Variants in STARD8 observed in about 807,000 individuals in gnomAD.
The protein encoded by STARD8 is stAR-related lipid transfer protein 8.
In STARD8, 25 loss-of-function variants were observed where a neutral mutation model predicts 69.4. That is an observed-to-expected ratio of 0.36 (90% confidence interval 0.26 to 0.50). The LOEUF (loss-of-function observed/expected upper bound fraction) is 0.50. Ranked by LOEUF, STARD8 falls within the 20% of genes least tolerant of loss-of-function variation. STARD8 has a pLI of 0.96. For synonymous variants in STARD8, 389 were observed against 374.6 expected, an observed-to-expected ratio of 1.04 and a Z score of -0.45; for missense variants, 921 against 932.5, an observed-to-expected ratio of 0.99 and a Z score of 0.16.
At chrX:68,688,958 A>C (rs2147899562) in intron 2 of STARD8, among the ~76,000 whole-genome samples, 1 of 106,026 alleles carries the variant, frequency 9.4e-6, no homozygotes, top group South Asian at 4.3e-4. Flanking sequence ...GGGACCCTAG[A>C]ACCAGGGCCC....
At chrX:68,679,432 C>G (rs1271588523) in intron 2 of STARD8, among the ~76,000 whole-genome samples, 1 of 111,565 alleles carries the variant, frequency 9.0e-6, no homozygotes, top group Non-Finnish European at 1.9e-5. Flanking sequence ...CATTGTAACT[C>G]TGAGAGAGCA....
chrX:68,693,568 G>A (rs2079893116), intron 2 of STARD8: 4 of 693,520 alleles, frequency 5.8e-6, no homozygotes, highest in Non-Finnish European at 6.8e-6. Context: ...GCCAGACTGC[G>A]CCCCCATTGG....
chrX:68,685,336 G>T (rs1404664612), intron 2 of STARD8, among the ~76,000 whole-genome samples: 1 of 111,789 alleles, frequency 8.9e-6, no homozygotes, highest in Non-Finnish European at 1.9e-5. Flanking sequence ...TAGGATGTTG[G>T]TCCCTTTACT....
chrX:68,686,317 C>G (rs2079831758), intron 2 of STARD8, among the ~76,000 whole-genome samples: 1 of 112,420 alleles, frequency 8.9e-6, no homozygotes, highest in African/African-American at 3.2e-5. Flanking sequence ...CAGCCCCTCC[C>G]TCCCCGGGCT....
In STARD8 at chrX:68,723,949, TG is replaced by T; in HGVS notation, c.3024del (p.Trp1008CysfsTer119). ...TACGTGTCCCTTCTCCAATAGGATG[TG>T]GCGCTCTGACCTGCCTCGTGGGGGT... ...PCRDFVVLRM[W>X]RSDLPRGGCL... is the part of the protein sequence containing the mutation. On this transcript the variant is annotated frameshift_variant, in exon 14 of 15. Transcript: ENST00000374599. LOFTEE classifies it high-confidence loss of function. 1 of 1,211,842 alleles carries T rather than the reference TG, an allele frequency of 8.3e-7. No homozygotes were observed. The highest frequency in any genetic ancestry group is 1.1e-6 in the Non-Finnish European group (1 of 895,419).
chrX:68,655,407 A>G (rs2079605390), intron 1 of STARD8, among the ~76,000 whole-genome samples: 1 of 112,220 alleles, frequency 8.9e-6, no homozygotes, highest in Non-Finnish European at 1.9e-5. Context: ...ACTCCATAGA[A>G]GGAAGGTTCA....
At chrX:68,719,524 G>A (rs1203615320) in intron 7 of STARD8, 126 bp downstream of exon 7, 2 of 799,578 alleles carry the variant, frequency 2.5e-6, no homozygotes, top group Non-Finnish European at 1.7e-6. Context: ...GGTGAGATAT[G>A]CCAGGAGGCT....
At chrX:68,658,212 A>G (rs995759566) in intron 1 of STARD8, among the ~76,000 whole-genome samples, 4 of 112,317 alleles carry the variant, frequency 3.6e-5, no homozygotes, top group Non-Finnish European at 5.6e-5. Flanking sequence ...AACCCTCCAC[A>G]TATATTAACT....
In STARD8 at chrX:68,712,924, C is replaced by CA. The variant is rs1262302768; in HGVS notation, c.94dup (p.Arg32LysfsTer4). 1 of 1,204,504 alleles carries CA rather than the reference C, an allele frequency of 8.3e-7. No individual in the cohort carries two copies. Among genetic ancestry groups the CA allele is most frequent in the Non-Finnish European group, 1.1e-6 (1 of 892,327 alleles). On this transcript the variant is annotated frameshift_variant, in exon 3 of 15. Transcript: ENST00000374599. LOFTEE classifies it high-confidence loss of function. Reference sequence around the variant, plus strand: ...CTTGTTCTGTTTTAGAAGCCGAGGCCAAAAGAGCATGTGAGTGGCTTCAAG... The same window carrying CA: ...CTTGTTCTGTTTTAGAAGCCGAGGCCAAAAAGAGCATGTGAGTGGCTTCAAG...
Position 68,724,333 on chromosome X carries a change from G to A in STARD8, c.3223G>A (p.Val1075Ile). The A allele has an allele frequency of 2.5e-6, 3 of 1,210,230 alleles. No individual in the cohort carries two copies. The highest frequency in any genetic ancestry group is 3.4e-6 in the Non-Finnish European group (3 of 894,728). The change falls in exon 15 of 15, where the codon GTC (valine) becomes ATC (isoleucine). Residue 1075 changes from valine to isoleucine, a missense_variant. By Grantham distance (29) the Val-to-Ile change is conservative. Coordinates refer to ENST00000374599, the MANE Select transcript of STARD8 (RefSeq NM_001142503.3). ...RGRSPDWYNK[V>I]FGHLCAMEVA... ...CCGTTCTCCTGACTGGTACAACAAA[G>A]TCTTTGGACACCTGTGTGCCATGGA...
chrX:68,656,151 C>A lies in STARD8; in HGVS notation c.45+8224C>A, dbSNP rs922222426. The A allele has an allele frequency of 3.6e-5, 4 of 112,134 alleles. No individual in the cohort carries two copies. In the Admixed American group the frequency reaches 3.8e-4, roughly 11 times the overall value. The allele number at this position is 112,134 out of a possible 1,213,427, so 9.2% of individuals were successfully genotyped here. ...ACCAAAACATCTACATGGAGTCAAG[C>A]CCTTCACCTATCTGAGCCACAACTT... On this transcript the variant is annotated intron_variant, in intron 1 of 14. Coordinates refer to ENST00000374599, the MANE Select transcript of STARD8 (RefSeq NM_001142503.3).
rs1037594754 is a variant in STARD8 at position 68,708,576 on chromosome X, G to A, written c.80-4338G>A. On this transcript the variant is annotated intron_variant, in intron 2 of 14. Coordinates refer to ENST00000374599, the MANE Select transcript of STARD8 (RefSeq NM_001142503.3). Reference sequence around the variant, plus strand: ...GGAGACCTGTGGGTTTGGCTCTGAGGCCTGATTGGACTCTGGAGCTTTCTA... The same window carrying A: ...GGAGACCTGTGGGTTTGGCTCTGAGACCTGATTGGACTCTGGAGCTTTCTA... Among the ~76,000 whole-genome samples the A allele has an allele frequency of 7.2e-4, 80 of 111,529 alleles. 2 individuals carry two copies. Among genetic ancestry groups the A allele is most frequent in the Non-Finnish European group, 1.5e-4 (8 of 53,042 alleles).
intron 1 of STARD8, among the ~76,000 whole-genome samples, chrX:68,664,041 A>C (rs752576559): frequency 1.4e-4 from 16 of 111,589 alleles, no homozygotes; most frequent in African/African-American, 4.2e-4. Context: ...ATTAGGAAGC[A>C]TTGTGGTCAA....
chrX:68,658,368 T>A (rs955979068), intron 1 of STARD8, among the ~76,000 whole-genome samples: 11 of 112,372 alleles, frequency 9.8e-5, no homozygotes, highest in African/African-American at 3.6e-4. Context: ...GGTAATCTAG[T>A]TTCAAAGTCC....
At chrX:68,723,523 C>T (rs1366635734) in intron 12 of STARD8, 103 bp from the exon 13 acceptor site, 3 of 714,278 alleles carry the variant, frequency 4.2e-6, no homozygotes, top group Non-Finnish European at 6.0e-6. Flanking sequence ...GCAGCCTACC[C>T]TATTAAGCCT....
At chrX:68,685,226 C>A (rs770547728) in intron 2 of STARD8, among the ~76,000 whole-genome samples, 1 of 111,807 alleles carries the variant, frequency 8.9e-6, no homozygotes, top group African/African-American at 3.3e-5. Context: ...TTATTCCCAT[C>A]GTGTCATAGG....
intron 2 of STARD8, among the ~76,000 whole-genome samples, chrX:68,695,702 A>G (rs1378911010): frequency 9.0e-6 from 1 of 111,694 alleles, no homozygotes; most frequent in Non-Finnish European, 1.9e-5. Context: ...TTCAAACACA[A>G]TACCTCCTGA....
chrX:68,694,111 C>A (rs2079900487), intron 2 of STARD8, among the ~76,000 whole-genome samples: 1 of 113,084 alleles, frequency 8.8e-6, no homozygotes, highest in South Asian at 3.6e-4. Context: ...CGCCTGTTAC[C>A]GCCGGGCCCG....
intron 8 of STARD8, 46 bp downstream of exon 8, chrX:68,720,469 G>A: frequency 2.7e-6 from 3 of 1,115,768 alleles, no homozygotes; most frequent in Non-Finnish European, 3.6e-6. Flanking sequence ...GCAGGGGTGG[G>A]GTGGTGGTGG....
Sources: allele counts gnomAD v4.1 joint callset (sites outside exome capture counted in the v4.1 genomes callset), GRCh38; gene constraint gnomAD v4.1.1; transcripts MANE v1.5; gene names NCBI Gene and HGNC (gene_info 2026-07-23, HGNC 2026-07-21).